TEKT3: variants seen among roughly 807,000 people sequenced by gnomAD.
TEKT3 encodes the protein tektin 3, also known as tektin-3.
A neutral mutation model predicts 49.8 loss-of-function variants in TEKT3; 49 were observed. The ratio of observed to expected loss-of-function variants is 0.98; its 90% CI spans 0.78 to 1.25. The LOEUF (loss-of-function observed/expected upper bound fraction) is 1.25. Among genes scored for constraint, TEKT3 ranks in the 50% most tolerant of loss-of-function variants. TEKT3 has a pLI of 0.00. For missense variants in TEKT3, 595 were observed against 629.5 expected (o/e 0.95, Z 0.59); for synonymous variants, 225 against 237.2 (o/e 0.95, Z 0.47).
At chr17:15,315,667 G>T (rs1050035879) in intron 5 of TEKT3, among the ~76,000 whole-genome samples, 18 of 151,996 alleles carry the variant, frequency 1.2e-4, no homozygotes, top group African/African-American at 4.4e-4. Context: ...GCTGGGGAGG[G>T]AGAAGCTAGG....
At chr17:15,318,511 C>A (rs1216249472) in intron 5 of TEKT3, among the ~76,000 whole-genome samples, 1 of 152,136 alleles carries the variant, frequency 6.6e-6, no homozygotes, top group Non-Finnish European at 1.5e-5. Flanking sequence ...AAATTTACAG[C>A]AAGTACTCCA....
intron 8 of TEKT3, chr17:15,306,883 G>A (rs1045246285): frequency 6.6e-6 from 1 of 152,238 alleles, no homozygotes; most frequent in South Asian, 2.1e-4. Context: ...GGTGCCTCCA[G>A]TTGGCTGTCT....
intron 1 of TEKT3, among the ~76,000 whole-genome samples, chr17:15,340,962 G>T (rs1912203667): frequency 2.0e-5 from 3 of 152,020 alleles, no homozygotes; most frequent in Admixed American, 2.0e-4. Context: ...AACATAAAGG[G>T]GTTTGGTCTA....
intron 5 of TEKT3, among the ~76,000 whole-genome samples, chr17:15,315,046 C>T (rs1445850793): frequency 6.6e-6 from 1 of 152,172 alleles, no homozygotes; most frequent in Non-Finnish European, 1.5e-5. Flanking sequence ...TATTGAGTGC[C>T]TCCTATGTGG....
At chr17:15,340,475 A>T (rs1597424779) in intron 1 of TEKT3, 1 of 152,018 alleles carries the variant, frequency 6.6e-6, no homozygotes, top group Admixed American at 6.6e-5. Context: ...TGAATCTGGG[A>T]GGCGGAGGTT....
Position 15,304,864 on chromosome 17 carries a change from T to C in TEKT3, c.1257-712A>G, listed in dbSNP as rs959427740. 1.3e-5 allele frequency among the ~76,000 whole-genome samples: 2 copies of C among 152,174 alleles called. No individual in the cohort carries two copies. The highest frequency in any genetic ancestry group is 4.8e-5 in the African/African-American group (2 of 41,446). ...ATCCCATCCTCAAATCCTAGGTGAATTAACACTTCTTCCGGAAGTCCCTCC... is the reference window on the plus strand; with the variant it reads ...ATCCCATCCTCAAATCCTAGGTGAACTAACACTTCTTCCGGAAGTCCCTCC... On this transcript the variant is annotated intron_variant, in intron 8 of 8. Transcript: ENST00000395930. The surrounding 1 kb of genome is among the most constrained non-coding windows in gnomAD (Gnocchi z 4.7).
At chr17:15,321,469 T>G (rs1911255063) in intron 4 of TEKT3, among the ~76,000 whole-genome samples, 1 of 151,600 alleles carries the variant, frequency 6.6e-6, no homozygotes, top group African/African-American at 2.4e-5. Flanking sequence ...TACATGGAGG[T>G]GGCCTTGAAA....
In TEKT3 at chr17:15,315,129, T is replaced by C. The variant is rs77465876; in HGVS notation, c.735-899A>G. 7.6e-3 allele frequency among the ~76,000 whole-genome samples: 1,154 copies of C among 152,296 alleles called. 72 individuals are homozygous for C. The East Asian group carries it at 0.14, about 19-fold the overall frequency. ...ATCTCTTCTCTAAGGAGCCGACATG[T>C]TTCTGGGAGGAGACAGCACATTCAA... On this transcript the variant is annotated intron_variant, in intron 5 of 8. Coordinates refer to ENST00000395930, the MANE Select transcript of TEKT3 (RefSeq NM_031898.3).
intron 4 of TEKT3, among the ~76,000 whole-genome samples, chr17:15,323,000 T>C (rs1318391776): frequency 1.3e-5 from 2 of 152,184 alleles, no homozygotes; most frequent in Admixed American, 1.3e-4. Context: ...GCATGGCTGC[T>C]TGTGAGAAGC....
chr17:15,331,451 G>A lies in TEKT3; in HGVS notation c.135C>T (p.Ser45=), dbSNP rs200455863. 1.6e-5 allele frequency: 26 copies of A among 1,613,990 alleles called. No homozygotes were observed. Among genetic ancestry groups the A allele is most frequent in the Non-Finnish European group, 3.4e-6 (4 of 1,180,040 alleles). ...TGCTGGGTCTCCAAGGAAGGCTCAG[G>A]CTATGGGTCAAATTGGAGTGGGGAA... ...DRFPHSNLTH[S]LSLPWRPSTY... Residue 45 remains serine (S), a synonymous_variant, in exon 3 of 9, where the codon AGC becomes AGT. Coordinates refer to ENST00000395930, the MANE Select transcript of TEKT3 (RefSeq NM_031898.3).
chr17:15,324,843 G>A (rs1911421640), intron 4 of TEKT3, among the ~76,000 whole-genome samples: 1 of 152,076 alleles, frequency 6.6e-6, no homozygotes, highest in Non-Finnish European at 1.5e-5. Flanking sequence ...AAAAACTGTT[G>A]CCTATTCCAA....
chr17:15,314,073 T>C lies in TEKT3; in HGVS notation c.878+14A>G, dbSNP rs781550558. The C allele has an allele frequency of 5.0e-6, 8 of 1,614,056 alleles. No individual in the cohort carries two copies. The African/African-American group carries it at 5.3e-5, about 11-fold the overall frequency. On this transcript the variant is annotated intron_variant, in intron 6 of 8. Coordinates refer to ENST00000395930, the MANE Select transcript of TEKT3 (RefSeq NM_031898.3). ...TGACATCGAAATCACAGCCGTGGCG[T>C]GTGCCTGACTTACGTTGCATCGACC...
chr17:15,339,040 A>C (rs1912120233), intron 2 of TEKT3, among the ~76,000 whole-genome samples: 1 of 152,162 alleles, frequency 6.6e-6, no homozygotes, highest in Non-Finnish European at 1.5e-5. Context: ...ACCATTGTGC[A>C]GTATTAAGAG....
In TEKT3 at chr17:15,331,138, C is replaced by T. The variant is rs144503691; in HGVS notation, c.448G>A (p.Val150Ile). 2.7e-5 allele frequency: 43 copies of T among 1,614,092 alleles called. No individual in the cohort carries two copies. The highest frequency in any genetic ancestry group is 3.5e-5 in the Non-Finnish European group (41 of 1,180,046). Reference protein sequence around the residue: ...ADTTQNLGERVNDIGFWKSEI... With the variant: ...ADTTQNLGERINDIGFWKSEI... ...GATTTCCAAAACCCTATGTCATTGA[C>T]ACGTTCTCCCAGATTTTGGGTTGTG... The change falls in exon 3 of 9, where the codon GTC becomes ATC. Residue 150 changes from valine to isoleucine, a missense_variant. Coordinates refer to ENST00000395930, the MANE Select transcript of TEKT3 (RefSeq NM_031898.3).
chr17:15,333,436 C>A (rs1415132204), intron 2 of TEKT3, among the ~76,000 whole-genome samples: 1 of 152,184 alleles, frequency 6.6e-6, no homozygotes, highest in African/African-American at 2.4e-5. Flanking sequence ...AACCCTAGTT[C>A]TCTTTCTGCT....
intron 7 of TEKT3, among the ~76,000 whole-genome samples, chr17:15,309,156 C>A (rs567129516): frequency 6.6e-6 from 1 of 152,256 alleles, no homozygotes; most frequent in South Asian, 2.1e-4. Flanking sequence ...CTGCAAGCTG[C>A]CCCCAATGGC....
At position 15,314,092 on chromosome 17, in the gene TEKT3, A is replaced by G. The variant is rs749142672; in HGVS notation, c.873T>C (p.Asp291=). 1.4e-5 allele frequency: 23 copies of G among 1,614,062 alleles called. No homozygotes were observed. The Admixed American group carries it at 3.0e-4, about 21-fold the overall frequency. ...GTGGCGTGTGCCTGACTTACGTTGC[A>G]TCGACCCTCTCCACTCCGCGGAAGT... ...VGYFRGVERV[D]ATVSVPESWA... The change falls in exon 6 of 9, where the codon GAT becomes GAC. Residue 291 remains aspartate, a synonymous_variant. Coordinates refer to ENST00000395930, the MANE Select transcript of TEKT3 (RefSeq NM_031898.3).
intron 2 of TEKT3, among the ~76,000 whole-genome samples, chr17:15,336,776 T>C (rs561779158): frequency 4.5e-4 from 68 of 152,300 alleles, no homozygotes; most frequent in Middle Eastern, 3.4e-3. Flanking sequence ...GTTAAAAATA[T>C]GTATTGCAAA....
intron 2 of TEKT3, among the ~76,000 whole-genome samples, chr17:15,336,601 G>T (rs747109940): frequency 6.6e-6 from 1 of 151,880 alleles, no homozygotes; most frequent in Admixed American, 6.6e-5. Context: ...TTCTTTAAAA[G>T]ATCATTATTT....
Sources: gnomAD v4.1 joint callset for allele counts (sites outside exome capture counted in the v4.1 genomes callset) on GRCh38, gnomAD v4.1.1 for gene constraint, Gnocchi (gnomAD v3.1) non-coding constraint, MANE v1.5 for transcripts, NCBI Gene and HGNC (gene_info 2026-07-23, HGNC 2026-07-21) for gene names.